TTLL11: variants seen among roughly 807,000 people sequenced by gnomAD.
TTLL11 encodes the protein tubulin polyglutamylase TTLL11.
In TTLL11, 42 loss-of-function variants were observed where a neutral mutation model predicts 51.7. The observed-to-expected ratio is 0.81, with a 90% CI of 0.64 to 1.05. The LOEUF is 1.05. Ranked by LOEUF, TTLL11 falls within the 50% of genes least tolerant of loss-of-function variation. The pLI is 0.00. For synonymous variants in TTLL11, 381 were observed against 383.5 expected (o/e 0.99, Z 0.08); for missense variants, 799 against 940.4 (o/e 0.85, Z 1.97).
intron 3 of TTLL11, among the ~76,000 whole-genome samples, chr9:121,993,235 T>C (rs976512114): frequency 3.9e-5 from 6 of 152,260 alleles, no homozygotes; most frequent in Non-Finnish European, 7.3e-5. Context: ...ATGTACTTAA[T>C]GCCACTGTAC....
chr9:121,924,812 T>G (rs183587617), intron 6 of TTLL11, among the ~76,000 whole-genome samples: 19 of 152,018 alleles, frequency 1.2e-4, no homozygotes, highest in Non-Finnish European at 2.4e-4. Context: ...CCAGCTACTT[T>G]TATCATCTAA....
intron 8 of TTLL11, among the ~76,000 whole-genome samples, chr9:121,859,648 G>C (rs1251352025): frequency 6.6e-6 from 1 of 152,210 alleles, no homozygotes; most frequent in Non-Finnish European, 1.5e-5. Context: ...TTTCTTGTGT[G>C]GCATTCAAGG....
At chr9:121,856,237 A>G (rs1837813570) in intron 8 of TTLL11, among the ~76,000 whole-genome samples, 1 of 152,032 alleles carries the variant, frequency 6.6e-6, no homozygotes, top group Non-Finnish European at 1.5e-5. Flanking sequence ...ATGCCTGGTG[A>G]ATTTTTAAGT....
chr9:122,033,823 CT>C (rs1467646895), intron 2 of TTLL11, among the ~76,000 whole-genome samples: 2 of 152,174 alleles, frequency 1.3e-5, no homozygotes, highest in Admixed American at 1.3e-4. Flanking sequence ...TTAAAAAGCA[CT>C]AATAAACTGC....
At chr9:122,083,736 G>T (rs1588267048) in intron 1 of TTLL11, among the ~76,000 whole-genome samples, 3 of 152,108 alleles carry the variant, frequency 2.0e-5, no homozygotes, top group African/African-American at 7.2e-5. Context: ...CTTGAACCCG[G>T]GAGGCAGAGG....
intron 3 of TTLL11, among the ~76,000 whole-genome samples, chr9:122,018,540 A>T (rs1844063494): frequency 6.6e-6 from 1 of 152,220 alleles, no homozygotes. Flanking sequence ...TCATCATCAC[A>T]GACTCACTGG....
chr9:121,959,627 C>T (rs1449240316), intron 6 of TTLL11, among the ~76,000 whole-genome samples: 2 of 152,172 alleles, frequency 1.3e-5, no homozygotes, highest in African/African-American at 4.8e-5. Context: ...CTCCTGCCAC[C>T]TAACCCACAT....
At chr9:121,899,400 T>TAC (rs1564295547) in intron 6 of TTLL11, among the ~76,000 whole-genome samples, 1 of 77,826 alleles carries the variant, frequency 1.3e-5, no homozygotes, top group Admixed American at 1.5e-4. Flanking sequence ...TATATATATA[T>TAC]ATACACACAC....
At chr9:121,987,796 G>A (rs757338853) in intron 4 of TTLL11, among the ~76,000 whole-genome samples, 5 of 151,464 alleles carry the variant, frequency 3.3e-5, no homozygotes, top group Non-Finnish European at 7.4e-5. Flanking sequence ...CTTTCCCTTA[G>A]TGAAATGTGA....
Position 121,817,164 on chromosome 9 carries a change from G to GA in TTLL11, c.*5422dup, listed in dbSNP as rs1034435143. On this transcript the variant is annotated 3_prime_UTR_variant, in exon 9 of 9. Coordinates refer to ENST00000321582, the MANE Select transcript of TTLL11 (RefSeq NM_001139442.2). Reference sequence around the variant, plus strand: ...TAGAGGACATTAGTCAAGAAATGGGGAAAAAATTAAGCTATTCTGGAGGGA... The same window carrying GA: ...TAGAGGACATTAGTCAAGAAATGGGGAAAAAAATTAAGCTATTCTGGAGGGA... 3.9e-5 allele frequency: 6 copies of GA among 152,088 alleles called. No homozygotes were observed. Among genetic ancestry groups the GA allele is most frequent in the African/African-American group, 1.2e-4 (5 of 41,390 alleles). 9.4% of individuals were successfully genotyped at this position (152,088 alleles called of 1,614,324 possible).
At chr9:121,851,981 A>AC (rs913402795) in intron 8 of TTLL11, among the ~76,000 whole-genome samples, 1 of 152,150 alleles carries the variant, frequency 6.6e-6, no homozygotes, top group African/African-American at 2.4e-5. Flanking sequence ...GAGGGCCGGG[A>AC]CGGGGCTCAC....
rs1301699210 is a variant in TTLL11 at position 121,822,924 on chromosome 9, A to G, written c.1841-45T>C. Reference sequence around the variant, plus strand: ...ATGAGGGGGTGCACACAGCTGCCCTACGCTGCCCTGGGAAGGCCCACCTCC... The same window carrying G: ...ATGAGGGGGTGCACACAGCTGCCCTGCGCTGCCCTGGGAAGGCCCACCTCC... On this transcript the variant is annotated intron_variant, in intron 8 of 8. Coordinates refer to ENST00000321582, the MANE Select transcript of TTLL11 (RefSeq NM_001139442.2). This position sits in a 1 kb window ranked among gnomAD's most constrained non-coding sequence, Gnocchi z 5.8. 1.3e-6 allele frequency: 2 copies of G among 1,499,434 alleles called. No individual in the cohort carries two copies. The highest frequency in any genetic ancestry group is 2.7e-5 in the South Asian group (2 of 75,420). The allele number at this position is 1,499,434 out of a possible 1,614,324, so 92.9% of individuals were successfully genotyped here. A position where few individuals can be genotyped will look rare whatever the true frequency, so the allele number is the denominator to read the frequency against.
chr9:121,920,610 C>T (rs1417519160), intron 6 of TTLL11, among the ~76,000 whole-genome samples: 3 of 152,158 alleles, frequency 2.0e-5, no homozygotes, highest in African/African-American at 7.2e-5. Context: ...AAGTGAGGTA[C>T]CTAATAAGCT....
intron 8 of TTLL11, among the ~76,000 whole-genome samples, chr9:121,827,475 C>T (rs1376055882): frequency 3.9e-5 from 6 of 152,166 alleles, no homozygotes; most frequent in Admixed American, 2.0e-4. Context: ...GACTGGAGCC[C>T]AGGGTACCCT....
intron 6 of TTLL11, among the ~76,000 whole-genome samples, chr9:121,942,148 G>T (rs937406879): frequency 1.1e-4 from 16 of 152,096 alleles, no homozygotes; most frequent in African/African-American, 3.9e-4. Flanking sequence ...TACCATTCCT[G>T]CTCTTGCCCA....
intron 1 of TTLL11, among the ~76,000 whole-genome samples, chr9:122,042,420 CCAAATGCTGG>C (rs1187221326): frequency 6.6e-6 from 1 of 152,222 alleles, no homozygotes. Context: ...CACTGACATA[CCAAATGCTGG>C]CAAGGACGTC....
At chr9:121,874,293 C>G (rs984887712) in intron 6 of TTLL11, among the ~76,000 whole-genome samples, 1 of 152,178 alleles carries the variant, frequency 6.6e-6, no homozygotes, top group Admixed American at 6.5e-5. Context: ...GCCTCTGCAC[C>G]CGACCCACCA....
At chr9:122,090,499 CATGACCCTAA>C (rs1392550930) in intron 1 of TTLL11, among the ~76,000 whole-genome samples, 1 of 152,206 alleles carries the variant, frequency 6.6e-6, no homozygotes, top group Non-Finnish European at 1.5e-5. Context: ...ATCCAAAGTC[CATGACCCTAA>C]ATAACTCCAG....
At chr9:122,079,269 A>G (rs554561976) in intron 1 of TTLL11, among the ~76,000 whole-genome samples, 3 of 152,264 alleles carry the variant, frequency 2.0e-5, no homozygotes, top group African/African-American at 7.2e-5. Context: ...AGATAACCCA[A>G]TAGGTATGAA....
Sources: allele counts gnomAD v4.1 joint callset (sites outside exome capture counted in the v4.1 genomes callset), GRCh38; gene constraint gnomAD v4.1.1; non-coding constraint Gnocchi (gnomAD v3.1); transcripts MANE v1.5; gene names NCBI Gene and HGNC (gene_info 2026-07-23, HGNC 2026-07-21).